Variants in ANK2 observed in about 807,000 individuals in gnomAD.
ANK2 encodes the protein ankyrin-2.
ANK2 carries 83 observed loss-of-function variants against 360.5 expected under a neutral mutation model. The observed-to-expected ratio is 0.23, with a 90% confidence interval of 0.19 to 0.28. ANK2 has a LOEUF of 0.28. Among genes scored for constraint, ANK2 ranks in the 10% least tolerant of loss-of-function variants. The pLI, the probability that ANK2 is intolerant of heterozygous loss-of-function variation, is 1.00. For synonymous variants in ANK2, 1,740 were observed against 1,759.5 expected (o/e 0.99, Z 0.28); for missense variants, 4,201 against 4,795.7 (o/e 0.88, Z 3.66).
chr4:113,233,129 T>C lies in ANK2; in HGVS notation c.483+870T>C, dbSNP rs2099336896. The stretch of plus-strand genomic sequence containing the variant: ...CTGTTTTTTTTTTTTTTTTTTTTTT[T>C]TTTTTTTTTTTTTTTTTTTTTTTGA... On this transcript the variant is annotated intron_variant, in intron 5 of 45. Coordinates refer to ENST00000357077, the MANE Select transcript of ANK2 (RefSeq NM_001148.6). Among the ~76,000 whole-genome samples the C allele has an allele frequency of 1.7e-4, 17 of 100,818 alleles. 2 individuals carry two copies. The highest frequency in any genetic ancestry group is 5.0e-4 in the African/African-American group (13 of 25,764). 66.1% of individuals were successfully genotyped at this position (100,818 alleles called of 152,430 possible). A position where few individuals can be genotyped will look rare whatever the true frequency, so the allele number is the denominator to read the frequency against.
At chr4:112,806,715 G>C in the ANK2 span, among the ~76,000 whole-genome samples, 1 of 152,088 alleles carries the variant, frequency 6.6e-6, no homozygotes, top group African/African-American at 2.4e-5. Flanking sequence ...TGTAGTCCCA[G>C]CTACTTGGGG....
chr4:113,181,388 C>A (rs573375257), intron 2 of ANK2, among the ~76,000 whole-genome samples: 2 of 152,098 alleles, frequency 1.3e-5, no homozygotes, highest in African/African-American at 4.8e-5. Context: ...ATAGTAGAAT[C>A]GCAGCATTTT....
chr4:113,242,286 G>A lies in ANK2; in HGVS notation c.891+77G>A, dbSNP rs142074891. ...TCATAGAAGGCACCTCAAGACACCA[G>A]GTCATTAACATAAGCAATGTGTTTT... On this transcript the variant is annotated intron_variant, in intron 9 of 45. Coordinates refer to ENST00000357077, the MANE Select transcript of ANK2 (RefSeq NM_001148.6). The A allele has an allele frequency of 1.6e-4, 200 of 1,237,028 alleles. 1 individual carries two copies. The African/African-American group carries it at 2.7e-3, about 17-fold the overall frequency. The allele number at this position is 1,237,028 out of a possible 1,614,324, so 76.6% of individuals were successfully genotyped here. A position where few individuals can be genotyped will look rare whatever the true frequency, so the allele number is the denominator to read the frequency against.
intron 9 of ANK2, among the ~76,000 whole-genome samples, chr4:113,248,357 A>C (rs2044172120): frequency 6.6e-6 from 1 of 152,168 alleles, no homozygotes; most frequent in Admixed American, 6.5e-5. Context: ...TGAGAAGTAC[A>C]GGAGACCCCC....
chr4:112,974,404 C>T (rs187660004), intron 2 of ANK2, among the ~76,000 whole-genome samples: 1 of 152,194 alleles, frequency 6.6e-6, no homozygotes, highest in Non-Finnish European at 1.5e-5. Context: ...AAAAGGCCTA[C>T]TTTCTTTTGT....
chr4:112,780,807 C>A, the ANK2 span, among the ~76,000 whole-genome samples: 7 of 152,102 alleles, frequency 4.6e-5, no homozygotes, highest in Non-Finnish European at 2.9e-5. Flanking sequence ...GCATGAGGGA[C>A]ACTGCCCCCA....
chr4:112,959,726 G>C (rs1004023226), intron 2 of ANK2, among the ~76,000 whole-genome samples: 1 of 152,190 alleles, frequency 6.6e-6, no homozygotes, highest in African/African-American at 2.4e-5. Context: ...TTCTATGGAA[G>C]TCTTGGCAGT....
intron 1 of ANK2, among the ~76,000 whole-genome samples, chr4:112,873,532 TTTTC>T (rs2073965148): frequency 6.6e-6 from 1 of 150,720 alleles, no homozygotes; most frequent in Non-Finnish European, 1.5e-5. Context: ...ATGGGTTTCT[TTTTC>T]TTTCTTTTTT....
intron 1 of ANK2, among the ~76,000 whole-genome samples, chr4:113,119,426 T>A (rs960641072): frequency 7.3e-5 from 6 of 82,672 alleles, no homozygotes; most frequent in Non-Finnish European, 1.6e-4. Context: ...GTTTTCAATT[T>A]TCTTTTGAAA....
intron 9 of ANK2, among the ~76,000 whole-genome samples, chr4:113,248,883 A>G (rs953211297): frequency 6.6e-6 from 1 of 152,018 alleles, no homozygotes; most frequent in African/African-American, 2.4e-5. Context: ...AAATTTAAGC[A>G]CTCAGTATTT....
chr4:113,329,473 A>G (rs1437338225), intron 26 of ANK2, among the ~76,000 whole-genome samples: 1 of 152,178 alleles, frequency 6.6e-6, no homozygotes, highest in East Asian at 1.9e-4. Flanking sequence ...CATTCAATTT[A>G]TTACAATTTG....
At chr4:113,117,183 T>C in intron 1 of ANK2, 1 of 401,764 alleles carries the variant, frequency 2.5e-6, no homozygotes, top group Non-Finnish European at 4.9e-6. Context: ...TGCCAGCCAT[T>C]GCCCTGGTGG....
Position 113,357,290 on chromosome 4 carries a change from C to A in ANK2, c.8672C>A (p.Pro2891His). The A allele has an allele frequency of 6.2e-7, 1 of 1,614,012 alleles. No individual in the cohort carries two copies. The highest frequency in any genetic ancestry group is 1.1e-5 in the South Asian group (1 of 91,076). The change falls in exon 38 of 46, where the codon CCC becomes CAC. Residue 2891 changes from proline to histidine, a missense_variant. Transcript: ENST00000357077. ...TTTGAGAACTTACCAAAGGACTGCC[C>A]CTCTCAAGACTCATCCATTACTACT... ...ETFENLPKDC[P>H]SQDSSITTQT...
At chr4:113,376,093 C>T (rs1014204975) in intron 45 of ANK2, among the ~76,000 whole-genome samples, 6 of 152,310 alleles carry the variant, frequency 3.9e-5, no homozygotes, top group Admixed American at 6.5e-5. Flanking sequence ...ATATAAATAA[C>T]TTCCACATGC....
rs776469600 is a variant in ANK2, at chr4:113,355,496, G to T, written c.6878G>T (p.Gly2293Val). 12 of 1,613,906 alleles carry T rather than the reference G, an allele frequency of 7.4e-6. No homozygotes were observed. Among genetic ancestry groups the T allele is most frequent in the South Asian group, 1.1e-5 (1 of 91,074 alleles). The change falls in exon 38 of 46, where the codon GGT becomes GTT. Residue 2293 changes from glycine (G) to valine (V), a missense_variant. This residue lies in a region of ANK2 where 2,642 missense variants were observed against 2,714.5 expected (regional missense o/e 0.97). Coordinates refer to ENST00000357077, the MANE Select transcript of ANK2 (RefSeq NM_001148.6). ...KDITGGSEER[G>V]ATVTEDSETS... is the part of the protein sequence containing the mutation. ...ATTACTGGTGGCTCTGAAGAGCGAG[G>T]TGCCACAGTCACTGAGGACTCAGAG...
rs866610592 is a variant in ANK2, at chr4:113,274,338, T to C, written c.1486-114T>C. 15 of 1,174,996 alleles carry C rather than the reference T, an allele frequency of 1.3e-5. No homozygotes were observed. In the African/African-American group the frequency reaches 2.0e-4, roughly 15 times the overall value. The allele number at this position is 1,174,996 out of a possible 1,614,324, so 72.8% of individuals were successfully genotyped here. A position where few individuals can be genotyped will look rare whatever the true frequency, so the allele number is the denominator to read the frequency against. ...TGGTTAAAGCAGTAATGATTTTCTT[T>C]TGGGTGGGGTTCCTAGAGATTCCAA... On this transcript the variant is annotated intron_variant, in intron 14 of 45. Transcript: ENST00000357077.
the ANK2 span, among the ~76,000 whole-genome samples, chr4:112,716,244 G>A: frequency 1.3e-5 from 2 of 152,024 alleles, no homozygotes; most frequent in African/African-American, 4.8e-5. Flanking sequence ...CCATCTCACA[G>A]GTCCATTATT....
chr4:113,224,148 A>G (rs1435989281), intron 4 of ANK2, among the ~76,000 whole-genome samples: 1 of 152,234 alleles, frequency 6.6e-6, no homozygotes, highest in Non-Finnish European at 1.5e-5. Flanking sequence ...TCAGTGCTTT[A>G]GAAGCAAACT....
rs1222634335 is a variant in ANK2, at chr4:113,238,115, A to G, written c.693+493A>G. Among the ~76,000 whole-genome samples, 6 of 152,246 alleles carry G rather than the reference A, an allele frequency of 3.9e-5. No individual in the cohort carries two copies. The South Asian group carries it at 1.2e-3, about 32-fold the overall frequency. ...TATTGAGCATATCAAGAGCAGACCAATTGCTTTTTCTTGTAAGTCTTAAAA... is the reference window on the plus strand; with the variant it reads ...TATTGAGCATATCAAGAGCAGACCAGTTGCTTTTTCTTGTAAGTCTTAAAA... On this transcript the variant is annotated intron_variant, in intron 7 of 45. Coordinates refer to ENST00000357077, the MANE Select transcript of ANK2 (RefSeq NM_001148.6).
Sources: allele counts gnomAD v4.1 joint callset (sites outside exome capture counted in the v4.1 genomes callset), GRCh38; gene constraint gnomAD v4.1.1; regional missense constraint gnomAD v4.1.1; transcripts MANE v1.5; gene names NCBI Gene and HGNC (gene_info 2026-07-23, HGNC 2026-07-21).